EPB41: variants seen among roughly 807,000 people sequenced by gnomAD.
The protein encoded by EPB41 is protein 4.1.
A neutral mutation model predicts 108.0 loss-of-function variants in EPB41; 65 were observed. The ratio of observed to expected loss-of-function variants is 0.60; its 90% CI spans 0.49 to 0.74. The LOEUF is 0.74. EPB41 is among the 30% of genes least tolerant of loss of function. The pLI, the probability that EPB41 is intolerant of heterozygous loss-of-function variation, is 0.00. For synonymous variants in EPB41, 336 were observed against 358.9 expected (o/e 0.94, Z 0.72); for missense variants, 875 against 1,037.0 (o/e 0.84, Z 2.15).
In EPB41 at chr1:29,115,368, G is replaced by C. The variant is rs1358760186; in HGVS notation, c.2497-331G>C. The stretch of plus-strand genomic sequence containing the variant: ...AGATTGCACCATTGCACTCCAGCCT[G>C]GGTGACGGAGCGAGACTCCATCTCA... On this transcript the variant is annotated intron_variant, in intron 19 of 20. Transcript: ENST00000343067. This position sits in a 1 kb window ranked among gnomAD's most constrained non-coding sequence, Gnocchi z 4.4. Among the ~76,000 whole-genome samples, 2 of 152,090 alleles carry C rather than the reference G, an allele frequency of 1.3e-5. No homozygotes were observed.
At chr1:29,068,670 C>T in intron 16 of EPB41, 1 of 1,048,878 alleles carries the variant, frequency 9.5e-7, no homozygotes, top group Non-Finnish European at 1.2e-6. Flanking sequence ...CCTCTTCCAC[C>T]TTTGACGGTA....
At chr1:28,982,936 C>T (rs532930794) in intron 1 of EPB41, among the ~76,000 whole-genome samples, 1 of 151,512 alleles carries the variant, frequency 6.6e-6, no homozygotes, top group Non-Finnish European at 1.5e-5. Flanking sequence ...TTTTAAATTC[C>T]TTTTTCCAGA....
At position 28,904,662 on chromosome 1, in the gene EPB41, C is replaced by T. The variant is rs928650462; in HGVS notation, c.-8+17452C>T. Among the ~76,000 whole-genome samples the T allele has an allele frequency of 4.6e-5, 7 of 152,052 alleles. No homozygotes were observed. In the East Asian group the frequency reaches 5.8e-4, roughly 13 times the overall value. On this transcript the variant is annotated intron_variant, in intron 1 of 16. Transcript: ENST00000347529. Reference sequence around the variant, plus strand: ...GCTGTAATCCCAGTACTTTGGGAGGCGGAGGCGGGTGGATTACCTGAGGTC... The same window carrying T: ...GCTGTAATCCCAGTACTTTGGGAGGTGGAGGCGGGTGGATTACCTGAGGTC...
chr1:28,973,831 G>A (rs1015977897), intron 1 of EPB41, among the ~76,000 whole-genome samples: 1 of 152,176 alleles, frequency 6.6e-6, no homozygotes, highest in Non-Finnish European at 1.5e-5. Context: ...TTCAGCTTGA[G>A]TGAATATTTT....
intron 1 of EPB41, among the ~76,000 whole-genome samples, chr1:28,958,810 C>A (rs2095066861): frequency 7.5e-6 from 1 of 133,610 alleles, no homozygotes; most frequent in African/African-American, 2.9e-5. Context: ...CAGAGGGATA[C>A]CCTGTCTCCA....
intron 4 of EPB41, among the ~76,000 whole-genome samples, chr1:29,007,541 G>T (rs1014346780): frequency 2.6e-5 from 4 of 152,158 alleles, no homozygotes; most frequent in Non-Finnish European, 5.9e-5. Flanking sequence ...GTCCTCATCT[G>T]CACTTGATAT....
At chr1:29,011,251 G>T (rs1355971466) in intron 4 of EPB41, among the ~76,000 whole-genome samples, 1 of 151,970 alleles carries the variant, frequency 6.6e-6, no homozygotes, top group Admixed American at 6.6e-5. Flanking sequence ...TGTAATCCCA[G>T]CTACTTGGGA....
At chr1:29,085,629 C>T (rs1192391040) in intron 16 of EPB41, among the ~76,000 whole-genome samples, 1 of 152,038 alleles carries the variant, frequency 6.6e-6, no homozygotes, top group East Asian at 1.9e-4. Flanking sequence ...CCCAAGTTTA[C>T]AACCTCCACC....
chr1:29,112,384 T>C lies in EPB41; in HGVS notation c.2432T>C (p.Ile811Thr). 6.2e-7 allele frequency: 1 copy of C among 1,613,738 alleles called. No homozygotes were observed. The highest frequency in any genetic ancestry group is 8.5e-7 in the Non-Finnish European group (1 of 1,179,764). Residue 811 changes from isoleucine to threonine, a missense_variant, in exon 19 of 21, where the codon ATT becomes ACT. By Grantham distance (89) the Ile-to-Thr change is moderately conservative. Coordinates refer to ENST00000343067, the MANE Select transcript of EPB41 (RefSeq NM_001376013.1). ...TQITKTVKGG[I>T]SETRIEKRIV... ...TGGTTCCAGACTGTAAAAGGTGGGA[T>C]TTCAGAGACACGTATTGAAAAGAGA...
chr1:29,054,614 G>C (rs1278130585), intron 12 of EPB41: 5 of 151,356 alleles, frequency 3.3e-5, no homozygotes, highest in African/African-American at 9.7e-5. Context: ...CTTTGGGAGA[G>C]CAAGGCGGGC....
At chr1:28,921,290 A>C (rs979333092) in intron 1 of EPB41, among the ~76,000 whole-genome samples, 1 of 152,230 alleles carries the variant, frequency 6.6e-6, no homozygotes, top group Non-Finnish European at 1.5e-5. Flanking sequence ...TTATAAAGAA[A>C]TGCTGCTTTA....
chr1:29,106,564 A>AATTTTTTTTT, intron 17 of EPB41, among the ~76,000 whole-genome samples: 1 of 50,882 alleles, frequency 2.0e-5, no homozygotes, highest in Non-Finnish European at 3.3e-5. Context: ...AGTAGCTGGG[A>AATTTTTTTTT]TTTTTTTTTT....
intron 1 of EPB41, among the ~76,000 whole-genome samples, chr1:28,925,490 G>A (rs957265624): frequency 6.6e-6 from 1 of 152,118 alleles, no homozygotes; most frequent in Admixed American, 6.6e-5. Context: ...AGATTTTAGT[G>A]AGGATCAGGG....
chr1:29,029,162 T>G (rs1484206678), intron 7 of EPB41, among the ~76,000 whole-genome samples: 1 of 152,068 alleles, frequency 6.6e-6, no homozygotes, highest in African/African-American at 2.4e-5. Context: ...AATTAAAAAC[T>G]ACAAAACTTT....
chr1:28,992,252 A>G (rs2096040795), intron 2 of EPB41, among the ~76,000 whole-genome samples: 2 of 152,172 alleles, frequency 1.3e-5, no homozygotes, highest in African/African-American at 4.8e-5. Context: ...TCTTTTTCCT[A>G]ATTGTCAACC....
At chr1:29,015,295 T>TG (rs748122076) in intron 5 of EPB41, among the ~76,000 whole-genome samples, 7 of 152,136 alleles carry the variant, frequency 4.6e-5, no homozygotes, top group South Asian at 2.1e-4. Flanking sequence ...TGGTGGCTCA[T>TG]GCCTGTAATC....
intron 16 of EPB41, among the ~76,000 whole-genome samples, chr1:29,087,046 G>A (rs931577319): frequency 2.1e-5 from 3 of 143,034 alleles, no homozygotes; most frequent in Admixed American, 1.5e-4. Context: ...CTGGGTTCAC[G>A]CCATTCTCCT....
At chr1:29,107,305 C>T (rs192631253) in intron 17 of EPB41, among the ~76,000 whole-genome samples, 1 of 152,272 alleles carries the variant, frequency 6.6e-6, no homozygotes, top group East Asian at 1.9e-4. Context: ...GACCCAAACC[C>T]CAGACTTCAA....
chr1:29,097,968 G>T, intron 17 of EPB41, 33 bp downstream of exon 17: 1 of 1,613,832 alleles, frequency 6.2e-7, no homozygotes, highest in East Asian at 2.2e-5. Context: ...AGAACCAAAG[G>T]CTGCAAACAA....
Sources: allele counts gnomAD v4.1 joint callset (sites outside exome capture counted in the v4.1 genomes callset), GRCh38; gene constraint gnomAD v4.1.1; non-coding constraint Gnocchi (gnomAD v3.1); transcripts MANE v1.5; gene names NCBI Gene and HGNC (gene_info 2026-07-23, HGNC 2026-07-21).